The following TRIB3 variants were observed in gnomAD, a reference collection of about 807,000 sequenced individuals.
The protein encoded by TRIB3 is tribbles homolog 3.
A neutral mutation model predicts 16.6 loss-of-function variants in TRIB3; 20 were observed. The ratio of observed to expected loss-of-function variants is 1.20; its 90% confidence interval spans 0.85 to 1.75. TRIB3 has a LOEUF of 1.75. Among genes scored for constraint, TRIB3 ranks in the 40% most tolerant of loss-of-function variants. The pLI, the probability that TRIB3 is intolerant of heterozygous loss-of-function variation, is 0.00. For missense variants in TRIB3, 484 were observed against 488.9 expected, an observed-to-expected ratio of 0.99 and a Z score of 0.10; for synonymous variants, 208 against 217.0, an observed-to-expected ratio of 0.96 and a Z score of 0.36.
At chr20:393,428 C>A (rs2015034315) in intron 3 of TRIB3, among the ~76,000 whole-genome samples, 1 of 151,994 alleles carries the variant, frequency 6.6e-6, no homozygotes, top group Non-Finnish European at 1.5e-5. Context: ...ACCTCCCGGG[C>A]TCAAGTGATC....
chr20:386,939 G>GAC (rs1292564559), intron 1 of TRIB3, among the ~76,000 whole-genome samples: 1 of 151,766 alleles, frequency 6.6e-6, no homozygotes, highest in Non-Finnish European at 1.5e-5. Flanking sequence ...TTTTAGTAGA[G>GAC]ACAGGGTTTC....
At chr20:387,213 G>T (rs2014842506) in intron 1 of TRIB3, among the ~76,000 whole-genome samples, 1 of 151,674 alleles carries the variant, frequency 6.6e-6, no homozygotes, top group Admixed American at 6.6e-5. Context: ...TCTCTACAAA[G>T]AATAAAAAAA....
rs2014619755 is a variant in TRIB3, at chr20:380,928, C to T, written c.-242C>T. The T allele has an allele frequency of 6.7e-6, 1 of 149,610 alleles. No individual in the cohort carries two copies. Among genetic ancestry groups the T allele is most frequent in the Non-Finnish European group, 1.5e-5 (1 of 67,830 alleles). The allele number at this position is 149,610 out of a possible 1,614,324, so 9.3% of individuals were successfully genotyped here. A position where few individuals can be genotyped will look rare whatever the true frequency, so the allele number is the denominator to read the frequency against. On this transcript the variant is annotated 5_prime_UTR_variant, in exon 1 of 4. Coordinates refer to ENST00000217233, the MANE Select transcript of TRIB3 (RefSeq NM_021158.5). ...GGACCGGGGGATTAGCTCCGGTTTG[C>T]ATCACCCGGACCGGGGGATTAGCTC...
At chr20:395,873 G>A (rs549997625) in intron 3 of TRIB3, among the ~76,000 whole-genome samples, 1 of 152,154 alleles carries the variant, frequency 6.6e-6, no homozygotes, top group Non-Finnish European at 1.5e-5. Flanking sequence ...CTTATTACCT[G>A]CCTGGACCCT....
intron 3 of TRIB3, among the ~76,000 whole-genome samples, chr20:395,876 T>A (rs891199208): frequency 1.3e-5 from 2 of 152,196 alleles, no homozygotes; most frequent in Admixed American, 6.5e-5. Flanking sequence ...ATTACCTGCC[T>A]GGACCCTAAG....
intron 1 of TRIB3, among the ~76,000 whole-genome samples, chr20:386,567 C>T (rs1409846476): frequency 6.6e-6 from 1 of 151,988 alleles, no homozygotes; most frequent in African/African-American, 2.4e-5. Flanking sequence ...CACCACCACG[C>T]CCGGCTAATT....
In TRIB3 at chr20:388,092, G is replaced by A. The variant is rs146062790; in HGVS notation, c.82G>A (p.Glu28Lys). ...RLELDDNLDTERPVQKRARSG... is the reference protein window; with the variant it reads ...RLELDDNLDTKRPVQKRARSG... ...GGAGTTGGATGACAACTTAGATACCGAGCGTCCCGTCCAGAAACGAGCTCG... is the reference window on the plus strand; with the variant it reads ...GGAGTTGGATGACAACTTAGATACCAAGCGTCCCGTCCAGAAACGAGCTCG... The change falls in exon 2 of 4, where the codon GAG (glutamate) becomes AAG (lysine). Residue 28 changes from glutamate to lysine, a missense_variant. Transcript: ENST00000217233. 54 of 1,613,982 alleles carry A rather than the reference G, an allele frequency of 3.3e-5. No homozygotes were observed. Among genetic ancestry groups the A allele is most frequent in the Admixed American group, 1.3e-4 (8 of 60,000 alleles).
rs1294639929 is a variant in TRIB3 at position 391,213 on chromosome 20, GCTGTGA to G, written c.292-69_292-64del. 3.3e-6 allele frequency: 5 copies of G among 1,516,736 alleles called. No homozygotes were observed. In the East Asian group the frequency reaches 1.1e-4, roughly 34 times the overall value. 94.0% of individuals were successfully genotyped at this position (1,516,736 alleles called of 1,614,324 possible). On this transcript the variant is annotated intron_variant, in intron 2 of 3. Transcript: ENST00000217233. ...GCACATGGTAGTGTCTAATAGGTCA[GCTGTGA>G]CTGTTTGCAATGCCAGCCTCAGCTC...
At chr20:390,809 T>G (rs1449611891) in intron 2 of TRIB3, among the ~76,000 whole-genome samples, 1 of 151,780 alleles carries the variant, frequency 6.6e-6, no homozygotes, top group Non-Finnish European at 1.5e-5. Context: ...CGAGACCAGC[T>G]TAGCCAACAT....
intron 1 of TRIB3, 112 bp downstream of exon 1, chr20:381,281 A>ACACG (rs1204437722): frequency 1.3e-5 from 2 of 152,128 alleles, no homozygotes; most frequent in South Asian, 2.1e-4. Flanking sequence ...GCCGCGTGTT[A>ACACG]CACGCACGCA....
chr20:396,329 G>A lies in TRIB3; in HGVS notation c.716G>A (p.Gly239Asp). 1.2e-6 allele frequency: 2 copies of A among 1,613,744 alleles called. No homozygotes were observed. Among genetic ancestry groups the A allele is most frequent in the Non-Finnish European group, 1.7e-6 (2 of 1,180,030 alleles). Residue 239 changes from glycine to aspartate, a missense_variant, in exon 4 of 4, where the codon GGC becomes GAC. Gly to Asp is a moderately conservative substitution (Grantham distance 94). Coordinates refer to ENST00000217233, the MANE Select transcript of TRIB3 (RefSeq NM_021158.5). ...CTCAGCTCACGGGCCTCATACTCGG[G>A]CAAGGCAGCCGATGTCTGGAGCCTG... Reference protein sequence around the residue: ...EILSSRASYSGKAADVWSLGV... With the variant: ...EILSSRASYSDKAADVWSLGV...
intron 1 of TRIB3, among the ~76,000 whole-genome samples, chr20:381,856 G>C (rs2014662323): frequency 6.6e-6 from 1 of 152,198 alleles, no homozygotes; most frequent in South Asian, 2.1e-4. Flanking sequence ...GACGGTGCGC[G>C]CGTGTCTGCG....
At chr20:386,833 GT>G (rs1260404549) in intron 1 of TRIB3, among the ~76,000 whole-genome samples, 2 of 151,910 alleles carry the variant, frequency 1.3e-5, no homozygotes, top group Non-Finnish European at 2.9e-5. Context: ...GCCTCCCAAA[GT>G]GCTGCCGTGG....
In TRIB3 at chr20:388,074, G is replaced by T. The variant is rs771026278; in HGVS notation, c.64G>T (p.Asp22Tyr). Residue 22 changes from aspartate to tyrosine, a missense_variant, in exon 2 of 4, where the codon GAT (aspartate) becomes TAT (tyrosine). Asp to Tyr is a radical substitution (Grantham distance 160). Coordinates refer to ENST00000217233, the MANE Select transcript of TRIB3 (RefSeq NM_021158.5). ...GTCCAGGAAGAAGCGGTTGGAGTTG[G>T]ATGACAACTTAGATACCGAGCGTCC... ...SLSRKKRLEL[D>Y]DNLDTERPVQ... 6.2e-7 allele frequency: 1 copy of T among 1,614,136 alleles called. No individual in the cohort carries two copies.
At chr20:382,049 T>TGG (rs2014670503) in intron 1 of TRIB3, among the ~76,000 whole-genome samples, 1 of 132,332 alleles carries the variant, frequency 7.6e-6, no homozygotes, top group Non-Finnish European at 1.7e-5. Context: ...CGGGGCGGGG[T>TGG]GGGGGTGCGG....
intron 1 of TRIB3, among the ~76,000 whole-genome samples, chr20:387,109 C>T (rs962542177): frequency 1.3e-5 from 2 of 152,154 alleles, no homozygotes; most frequent in Non-Finnish European, 2.9e-5. Context: ...AACATGGTGA[C>T]TCACATCTGT....
Position 388,098 on chromosome 20 carries a change from C to T in TRIB3, c.88C>T (p.Pro30Ser). 1 of 1,614,140 alleles carries T rather than the reference C, an allele frequency of 6.2e-7. No homozygotes were observed. Among genetic ancestry groups the T allele is most frequent in the South Asian group, 1.1e-5 (1 of 91,080 alleles). ...GGATGACAACTTAGATACCGAGCGT[C>T]CCGTCCAGAAACGAGCTCGAAGTGG... ...ELDDNLDTER[P>S]VQKRARSGPQ... The change falls in exon 2 of 4, where the codon CCC (proline) becomes TCC (serine). Residue 30 changes from proline to serine, a missense_variant. Coordinates refer to ENST00000217233, the MANE Select transcript of TRIB3 (RefSeq NM_021158.5).
intron 1 of TRIB3, among the ~76,000 whole-genome samples, chr20:383,816 T>C (rs2122659749): frequency 6.6e-6 from 1 of 152,318 alleles, no homozygotes; most frequent in African/African-American, 2.4e-5. Context: ...ACTGTCTTCA[T>C]TGTTAGTGGC....
intron 1 of TRIB3, among the ~76,000 whole-genome samples, chr20:385,009 G>A (rs2014760240): frequency 6.6e-6 from 1 of 152,216 alleles, no homozygotes; most frequent in Non-Finnish European, 1.5e-5. Flanking sequence ...CTAATCCTAT[G>A]TAAGGAGGGG....
Sources: gnomAD v4.1 joint callset for allele counts (sites outside exome capture counted in the v4.1 genomes callset) on GRCh38, gnomAD v4.1.1 for gene constraint, MANE v1.5 for transcripts, NCBI Gene and HGNC (gene_info 2026-07-23, HGNC 2026-07-21) for gene names.